CACNA2D2: variants seen among roughly 807,000 people sequenced by gnomAD.
CACNA2D2 encodes the protein voltage-dependent calcium channel subunit alpha-2/delta-2.
CACNA2D2 carries 48 observed loss-of-function variants against 166.4 expected under a neutral mutation model. That is an observed-to-expected ratio of 0.29 (90% confidence interval 0.23 to 0.37). The LOEUF is 0.37. CACNA2D2 is among the 10% of genes least tolerant of loss of function. CACNA2D2 has a pLI of 1.00. For missense variants in CACNA2D2, 1,122 were observed against 1,433.0 expected, an observed-to-expected ratio of 0.78 and a Z score of 3.50; for synonymous variants, 561 against 573.7, an observed-to-expected ratio of 0.98 and a Z score of 0.32.
chr3:50,420,846 C>T (rs1324019535), intron 3 of CACNA2D2, among the ~76,000 whole-genome samples: 4 of 152,154 alleles, frequency 2.6e-5, no homozygotes, highest in Non-Finnish European at 5.9e-5. Flanking sequence ...CCCCAGCCTG[C>T]CTGTCACACA....
intron 6 of CACNA2D2, among the ~76,000 whole-genome samples, chr3:50,382,096 G>A (rs1705353424): frequency 6.6e-6 from 1 of 152,054 alleles, no homozygotes; most frequent in African/African-American, 2.4e-5. Flanking sequence ...AGGATGGTTT[G>A]AGCAGTACCC....
In CACNA2D2 at chr3:50,375,625, C is replaced by T. The variant is rs1302681272; in HGVS notation, c.1907+19G>A. On this transcript the variant is annotated intron_variant, in intron 21 of 37. Coordinates refer to ENST00000424201, the MANE Select transcript of CACNA2D2 (RefSeq NM_006030.4). This position sits in a 1 kb window ranked among gnomAD's most constrained non-coding sequence, Gnocchi z 4.0. Reference sequence around the variant, plus strand: ...GGCCACCCCACCCTCTCTGCCCGCCCAGCCCTGGCCTCACTTACCTGTAGT... The same window carrying T: ...GGCCACCCCACCCTCTCTGCCCGCCTAGCCCTGGCCTCACTTACCTGTAGT... 1.9e-6 allele frequency: 3 copies of T among 1,612,090 alleles called. No individual in the cohort carries two copies. Among genetic ancestry groups the T allele is most frequent in the Admixed American group, 1.7e-5 (1 of 59,988 alleles).
intron 1 of CACNA2D2, among the ~76,000 whole-genome samples, chr3:50,494,259 G>A (rs547004941): frequency 2.2e-4 from 33 of 152,286 alleles, no homozygotes; most frequent in Middle Eastern, 6.8e-3. Flanking sequence ...GGGCAGGGCG[G>A]GGGTGGGTTG....
intron 3 of CACNA2D2, among the ~76,000 whole-genome samples, chr3:50,397,402 G>A (rs1391277447): frequency 6.6e-6 from 1 of 152,178 alleles, no homozygotes; most frequent in African/African-American, 2.4e-5. Context: ...GGGTGCAGTG[G>A]AGTGGGCAGG....
intron 1 of CACNA2D2, among the ~76,000 whole-genome samples, chr3:50,478,289 C>G (rs561521037): frequency 6.6e-6 from 1 of 152,308 alleles, no homozygotes; most frequent in Admixed American, 6.5e-5. Flanking sequence ...CCCTGTCCAC[C>G]AGGGCCTGGT....
chr3:50,490,099 G>A (rs191091543), intron 1 of CACNA2D2, among the ~76,000 whole-genome samples: 24 of 152,298 alleles, frequency 1.6e-4, no homozygotes, highest in Non-Finnish European at 2.9e-4. Context: ...CGGCAGGGCA[G>A]ATGGGGCATG....
intron 1 of CACNA2D2, among the ~76,000 whole-genome samples, chr3:50,481,074 GCTTTT>G (rs1272688710): frequency 6.6e-6 from 1 of 151,978 alleles, no homozygotes; most frequent in African/African-American, 2.4e-5. Flanking sequence ...TATAATCCAG[GCTTTT>G]GGAATAAATT....
intron 1 of CACNA2D2, among the ~76,000 whole-genome samples, chr3:50,488,264 A>G (rs1358668141): frequency 6.6e-6 from 1 of 152,224 alleles, no homozygotes; most frequent in African/African-American, 2.4e-5. Flanking sequence ...CCTACCCTCA[A>G]GTACATGGGA....
chr3:50,398,553 G>A (rs1255527586), intron 3 of CACNA2D2, among the ~76,000 whole-genome samples: 1 of 149,186 alleles, frequency 6.7e-6, no homozygotes, highest in South Asian at 2.1e-4. Flanking sequence ...CTGGGCTTGA[G>A]TCTGGCCTGG....
In CACNA2D2 at chr3:50,364,530, A is replaced by T. The variant is rs1442865805; in HGVS notation, c.*136T>A. On this transcript the variant is annotated 3_prime_UTR_variant, in exon 38 of 38. Coordinates refer to ENST00000424201, the MANE Select transcript of CACNA2D2 (RefSeq NM_006030.4). ...CTCCCCATCCCAAGGCGCAGACCAG[A>T]CTCTCAGGGCCTGGCCAGCTCAGGT... The T allele has an allele frequency of 1.8e-6, 2 of 1,103,566 alleles. No individual in the cohort carries two copies. Among genetic ancestry groups the T allele is most frequent in the Admixed American group, 5.9e-5 (2 of 33,930 alleles). The allele number at this position is 1,103,566 out of a possible 1,614,324, so 68.4% of individuals were successfully genotyped here.
chr3:50,381,267 G>A (rs1191456770), intron 6 of CACNA2D2, 141 bp from the exon 7 acceptor site: 2 of 935,018 alleles, frequency 2.1e-6, no homozygotes, highest in Non-Finnish European at 1.6e-6. Flanking sequence ...ATTTCCTAGG[G>A]CCCAGCTGGG....
In CACNA2D2 at chr3:50,378,108, G is replaced by A; in HGVS notation, c.1390-11C>T. On this transcript the variant is annotated splice_polypyrimidine_tract_variant and intron_variant, in intron 14 of 37. Transcript: ENST00000424201. ...CACATCTAGATATTCCTGGGGAGGGGGCAGTGGTGGGGGTAATGAGTGCCT... is the reference window on the plus strand; with the variant it reads ...CACATCTAGATATTCCTGGGGAGGGAGCAGTGGTGGGGGTAATGAGTGCCT... 2 of 1,612,082 alleles carry A rather than the reference G, an allele frequency of 1.2e-6. No individual in the cohort carries two copies. The highest frequency in any genetic ancestry group is 1.1e-5 in the South Asian group (1 of 91,066).
rs201490119 is a variant in CACNA2D2, at chr3:50,365,589, T to C, written c.2971+44A>G. ...CCCCATGGAGTCGTCTTAGCTCAGA[T>C]TGGGGACCCGGACTTGAGGAGGCGC... is the stretch of plus-strand genomic sequence containing the variant. On this transcript the variant is annotated intron_variant, in intron 34 of 37. Coordinates refer to ENST00000424201, the MANE Select transcript of CACNA2D2 (RefSeq NM_006030.4). The surrounding 1 kb of genome is among the most constrained non-coding windows in gnomAD (Gnocchi z 4.5). The C allele has an allele frequency of 5.0e-5, 78 of 1,575,540 alleles. No individual in the cohort carries two copies. The highest frequency in any genetic ancestry group is 2.1e-4 in the East Asian group (9 of 43,332).
At position 50,413,525 on chromosome 3, in the gene CACNA2D2, C is replaced by T. The variant is rs574096014; in HGVS notation, c.406-19357G>A. ...CTGCTGGGAGGGTGGGATGCTTCCCCGTTGTAAGTTGCCCCAAGTGAGGTT... is the reference window on the plus strand; with the variant it reads ...CTGCTGGGAGGGTGGGATGCTTCCCTGTTGTAAGTTGCCCCAAGTGAGGTT... On this transcript the variant is annotated intron_variant, in intron 3 of 37. Transcript: ENST00000424201. Among the ~76,000 whole-genome samples, 42 of 152,134 alleles carry T rather than the reference C, an allele frequency of 2.8e-4. 1 individual carries two copies. The South Asian group carries it at 8.3e-3, about 30-fold the overall frequency.
At chr3:50,384,063 A>G in intron 6 of CACNA2D2, 133 bp downstream of exon 6, 1 of 1,087,464 alleles carries the variant, frequency 9.2e-7, no homozygotes, top group Non-Finnish European at 1.3e-6. Flanking sequence ...GGTGCGCAGG[A>G]GTAATCTCAG....
At position 50,363,239 on chromosome 3, in the gene CACNA2D2, C is replaced by T; in HGVS notation, c.*1427G>A. ...GGGTGCACATGGACACCCACCCTGGCACCAGCAGTGGGCATGGACCACACA... is the reference window on the plus strand; with the variant it reads ...GGGTGCACATGGACACCCACCCTGGTACCAGCAGTGGGCATGGACCACACA... On this transcript the variant is annotated 3_prime_UTR_variant, in exon 38 of 38. Coordinates refer to ENST00000424201, the MANE Select transcript of CACNA2D2 (RefSeq NM_006030.4). 2.5e-6 allele frequency: 1 copy of T among 398,932 alleles called. No homozygotes were observed. The highest frequency in any genetic ancestry group is 4.4e-6 in the Non-Finnish European group (1 of 226,080). The allele number at this position is 398,932 out of a possible 1,614,324, so 24.7% of individuals were successfully genotyped here.
At position 50,375,663 on chromosome 3, in the gene CACNA2D2, T is replaced by A; in HGVS notation, c.1888A>T (p.Ile630Leu). The change falls in exon 21 of 38, where the codon ATA becomes TTA. Residue 630 changes from isoleucine (I) to leucine (L), a missense_variant. Ile to Leu is a conservative substitution (Grantham distance 5). Transcript: ENST00000424201. This position sits in a 1 kb window ranked among gnomAD's most constrained non-coding sequence, Gnocchi z 4.0. ...EVTRNYTWVPIRSTNYSLGLV... is the reference protein window; with the variant it reads ...EVTRNYTWVPLRSTNYSLGLV... ...ACTTACCTGTAGTTAGTGCTCCTTA[T>A]AGGCACCCAGGTGTAGTTCCGTGTC... 6.2e-7 allele frequency: 1 copy of A among 1,613,166 alleles called. No individual in the cohort carries two copies. Among genetic ancestry groups the A allele is most frequent in the Non-Finnish European group, 8.5e-7 (1 of 1,179,860 alleles).
intron 2 of CACNA2D2, among the ~76,000 whole-genome samples, chr3:50,463,239 C>G (rs530592273): frequency 6.6e-6 from 1 of 152,202 alleles, no homozygotes; most frequent in Admixed American, 6.5e-5. Context: ...CCACAGGCAT[C>G]TGAGAGATAA....
At chr3:50,444,041 G>A (rs1180296909) in intron 2 of CACNA2D2, among the ~76,000 whole-genome samples, 1 of 152,176 alleles carries the variant, frequency 6.6e-6, no homozygotes, top group Non-Finnish European at 1.5e-5. Flanking sequence ...ACGGAATTGA[G>A]GCCAGGAAGA....
Sources: gnomAD v4.1 joint callset for allele counts (sites outside exome capture counted in the v4.1 genomes callset) on GRCh38, gnomAD v4.1.1 for gene constraint, Gnocchi (gnomAD v3.1) non-coding constraint, MANE v1.5 for transcripts, NCBI Gene and HGNC (gene_info 2026-07-23, HGNC 2026-07-21) for gene names.